DST: variants seen among roughly 807,000 people sequenced by gnomAD.
DST encodes the protein dystonin.
Under a neutral mutation model 875.2 loss-of-function variants are expected in DST, and 253 were observed. That is an observed-to-expected ratio of 0.29 (90% confidence interval 0.26 to 0.32). The LOEUF (loss-of-function observed/expected upper bound fraction) is 0.32, where lower values mean the gene tolerates loss of function less well. Ranked by LOEUF, DST falls within the 10% of genes least tolerant of loss-of-function variation. DST has a pLI of 1.00. For synonymous variants in DST, 3,124 were observed against 3,197.1 expected, an observed-to-expected ratio of 0.98 and a Z score of 0.77; for missense variants, 8,287 against 9,111.6, an observed-to-expected ratio of 0.91 and a Z score of 3.68.
chr6:56,596,629 T>C (rs2152693968), intron 47 of DST, among the ~76,000 whole-genome samples: 1 of 152,314 alleles, frequency 6.6e-6, no homozygotes, highest in Middle Eastern at 3.4e-3. Flanking sequence ...CCCATTCTTC[T>C]TCTGGTTTAA....
At chr6:56,519,015 C>T (rs568799879) in intron 69 of DST, among the ~76,000 whole-genome samples, 3 of 152,202 alleles carry the variant, frequency 2.0e-5, no homozygotes, top group African/African-American at 7.2e-5. Flanking sequence ...ACCTACAAAT[C>T]CCAGGCATTA....
chr6:56,783,019 T>C (rs1015172381), intron 4 of DST, among the ~76,000 whole-genome samples: 5 of 152,230 alleles, frequency 3.3e-5, no homozygotes, highest in African/African-American at 9.6e-5. Flanking sequence ...TCAGTTTCCA[T>C]GCAGTTGAGC....
chr6:56,679,398 A>G (rs1210991593), intron 9 of DST, among the ~76,000 whole-genome samples: 2 of 151,914 alleles, frequency 1.3e-5, no homozygotes, highest in African/African-American at 2.4e-5. Context: ...TAGGTACTCA[A>G]AGAAATGTGG....
intron 4 of DST, among the ~76,000 whole-genome samples, chr6:56,774,324 A>G (rs1413598284): frequency 2.0e-5 from 3 of 151,936 alleles, no homozygotes; most frequent in Non-Finnish European, 2.9e-5. Flanking sequence ...AACACTCTCT[A>G]AAAAAGTCAT....
chr6:56,825,370 G>A (rs1414918205), intron 4 of DST, among the ~76,000 whole-genome samples: 22 of 149,784 alleles, frequency 1.5e-4, no homozygotes, highest in South Asian at 2.1e-4. Context: ...GCAGAAGGCC[G>A]CAGGGTCCTC....
Position 56,608,639 on chromosome 6 carries a change from T to C in DST, c.5989A>G (p.Ile1997Val). ...ATTCTTTGGCCAGAGTTGGAATTGA[T>C]CAGACCTCCAGAAAGAAGCTGTGCA... ...LSAQLLSGGL[I>V]NSNSGQRMTV... is the part of the protein sequence containing the mutation. Residue 1997 changes from isoleucine (I) to valine (V), a missense_variant, in exon 40 of 104, where the codon ATC becomes GTC. Ile to Val is a conservative substitution (Grantham distance 29). Transcript: ENST00000680361. 3 of 1,613,316 alleles carry C rather than the reference T, an allele frequency of 1.9e-6. No homozygotes were observed. The highest frequency in any genetic ancestry group is 1.7e-6 in the Non-Finnish European group (2 of 1,179,634).
intron 4 of DST, 139 bp downstream of exon 4, chr6:56,851,258 C>T: frequency 2.6e-6 from 2 of 781,440 alleles, no homozygotes; most frequent in Non-Finnish European, 4.1e-6. Flanking sequence ...ATAAAGTAAA[C>T]ATGGTCATCA....
At chr6:56,952,740 C>A (rs1822986359) in intron 2 of DST, among the ~76,000 whole-genome samples, 1 of 151,876 alleles carries the variant, frequency 6.6e-6, no homozygotes, top group South Asian at 2.1e-4. Context: ...ATGGGTAAAT[C>A]GAGGCACCGA....
At chr6:56,781,915 G>A (rs1453313347) in intron 4 of DST, among the ~76,000 whole-genome samples, 1 of 152,144 alleles carries the variant, frequency 6.6e-6, no homozygotes, top group Admixed American at 6.5e-5. Flanking sequence ...CTAATTTATT[G>A]ACAGTTTTTA....
rs766717544 is a variant in DST at position 56,530,144 on chromosome 6, G to A, written c.17109-11C>T. The A allele has an allele frequency of 2.6e-6, 4 of 1,560,776 alleles. No homozygotes were observed. Among genetic ancestry groups the A allele is most frequent in the Non-Finnish European group, 3.5e-6 (4 of 1,156,774 alleles). On this transcript the variant is annotated splice_polypyrimidine_tract_variant and intron_variant, in intron 64 of 103. Transcript: ENST00000680361. ...TCCAACTGACGATTCCTACAAATGT[G>A]CCAAAAGGTCATTTAGGGATGAAGA...
intron 4 of DST, among the ~76,000 whole-genome samples, chr6:56,770,964 A>G (rs2099657604): frequency 6.7e-6 from 1 of 149,702 alleles, no homozygotes; most frequent in Non-Finnish European, 1.5e-5. Context: ...ACACCATTGC[A>G]CTCCAGCCTG....
intron 5 of DST, among the ~76,000 whole-genome samples, chr6:56,730,185 A>G (rs2099491720): frequency 6.6e-6 from 1 of 152,180 alleles, no homozygotes; most frequent in African/African-American, 2.4e-5. Context: ...CACATTATAT[A>G]GACTTCTCTG....
At position 56,463,075 on chromosome 6, in the gene DST, A is replaced by C; in HGVS notation, c.23041T>G (p.Cys7681Gly). The change falls in exon 102 of 104, where the codon TGC becomes GGC. Residue 7681 changes from cysteine to glycine, a missense_variant. By Grantham distance (159) the Cys-to-Gly change is radical. Coordinates refer to ENST00000680361, the MANE Select transcript of DST (RefSeq NM_001374736.1). The part of the protein sequence containing the change: ...KMSTPCKAAE[C>G]SDFPVPSAEG... The stretch of plus-strand genomic sequence containing the variant: ...GCAGATGGCACGGGAAAGTCTGAGC[A>C]CTCTGCTGCTTTACAAGGAGTTGAC... 1 of 1,613,182 alleles carries C rather than the reference A, an allele frequency of 6.2e-7. No homozygotes were observed. The highest frequency in any genetic ancestry group is 8.5e-7 in the Non-Finnish European group (1 of 1,179,396).
chr6:56,710,226 C>A (rs530013174), intron 5 of DST, among the ~76,000 whole-genome samples: 2 of 152,102 alleles, frequency 1.3e-5, no homozygotes, highest in East Asian at 3.9e-4. Context: ...AGAGTCATTC[C>A]ATTAATGAAC....
chr6:56,845,224 T>G (rs2099805868), intron 4 of DST, among the ~76,000 whole-genome samples: 1 of 152,246 alleles, frequency 6.6e-6, no homozygotes, highest in Admixed American at 6.5e-5. Context: ...TAAATCTTCC[T>G]TCCCTATTTC....
At chr6:56,636,008 A>C (rs1243979440) in intron 23 of DST, among the ~76,000 whole-genome samples, 1 of 152,196 alleles carries the variant, frequency 6.6e-6, no homozygotes, top group African/African-American at 2.4e-5. Flanking sequence ...GTAGGAGTGA[A>C]ATTCCAAGAA....
chr6:56,907,931 G>A (rs1030344186), intron 2 of DST, among the ~76,000 whole-genome samples: 3 of 152,100 alleles, frequency 2.0e-5, no homozygotes, highest in Admixed American at 6.5e-5. Context: ...CCAGCCGGGC[G>A]TGGTGGCACA....
In DST at chr6:56,552,473, T is replaced by G. The variant is rs762337729; in HGVS notation, c.16319A>C (p.Asp5440Ala). ...CATCTTGCAGGTTTTATTGGCATTG[T>G]CATTGCTTGCCATGAGGGCTTCTAG... is the stretch of plus-strand genomic sequence containing the variant. The part of the protein sequence containing the change: ...KKLEALMASN[D>A]NANKTCKMML... Residue 5440 changes from aspartate (D) to alanine (A), a missense_variant, in exon 61 of 104, where the codon GAC becomes GCC. Coordinates refer to ENST00000680361, the MANE Select transcript of DST (RefSeq NM_001374736.1). 1.2e-5 allele frequency: 20 copies of G among 1,613,988 alleles called. No homozygotes were observed. The highest frequency in any genetic ancestry group is 3.3e-5 in the Admixed American group (2 of 60,024).
At chr6:56,653,283 T>C (rs772343447) in intron 10 of DST, among the ~76,000 whole-genome samples, 5 of 152,238 alleles carry the variant, frequency 3.3e-5, no homozygotes, top group Non-Finnish European at 7.3e-5. Flanking sequence ...TCTTTTATCA[T>C]GATGTTTAAC....
Sources: gnomAD v4.1 joint callset for allele counts (sites outside exome capture counted in the v4.1 genomes callset) on GRCh38, gnomAD v4.1.1 for gene constraint, MANE v1.5 for transcripts, NCBI Gene and HGNC (gene_info 2026-07-23, HGNC 2026-07-21) for gene names.